The following CIB1 variants were observed in gnomAD, a reference collection of about 807,000 sequenced individuals.
CIB1 encodes calcium and integrin-binding protein 1.
A neutral mutation model predicts 25.0 loss-of-function variants in CIB1; 19 were observed. The ratio of observed to expected loss-of-function variants is 0.76; its 90% confidence interval spans 0.53 to 1.12. The LOEUF (loss-of-function observed/expected upper bound fraction) is 1.12, where lower values mean the gene tolerates loss of function less well. Ranked by LOEUF, CIB1 falls within the 50% of genes most tolerant of loss-of-function variation. The pLI is 0.00. For missense variants in CIB1, 236 were observed against 242.6 expected (o/e 0.97, Z 0.18); for synonymous variants, 104 against 98.5 (o/e 1.06, Z -0.33).
At chr15:90,251,405 T>C in the CIB1 span, 1 of 780,490 alleles carries the variant, frequency 1.3e-6, no homozygotes, top group Non-Finnish European at 2.2e-6. Flanking sequence ...ATTACAGGCA[T>C]GAGCCACCGC....
At chr15:90,256,555 TTC>T in the CIB1 span, among the ~76,000 whole-genome samples, 1 of 38,956 alleles carries the variant, frequency 2.6e-5, no homozygotes, top group African/African-American at 1.2e-4. Flanking sequence ...TTTTCTTTCT[TTC>T]TTTCTTTCTT....
the CIB1 span, among the ~76,000 whole-genome samples, chr15:90,246,405 A>G: frequency 1.3e-5 from 2 of 152,246 alleles, no homozygotes; most frequent in Non-Finnish European, 2.9e-5. Flanking sequence ...TTTGCATTTG[A>G]GTAACAGCTT....
chr15:90,254,269 C>G, the CIB1 span, among the ~76,000 whole-genome samples: 2 of 149,260 alleles, frequency 1.3e-5, no homozygotes, highest in Admixed American at 6.7e-5. Flanking sequence ...CCGAGGCGGG[C>G]GGATCATGAG....
the CIB1 span, among the ~76,000 whole-genome samples, chr15:90,254,636 G>C: frequency 6.6e-6 from 1 of 151,500 alleles, no homozygotes; most frequent in Non-Finnish European, 1.5e-5. Context: ...TCAGGACTTT[G>C]AGACCAGCCT....
chr15:90,249,078 G>A, the CIB1 span, among the ~76,000 whole-genome samples: 23 of 152,170 alleles, frequency 1.5e-4, no homozygotes, highest in African/African-American at 5.1e-4. Context: ...CGGCGTGGTG[G>A]CACGCTCCTG....
At chr15:90,262,275 G>T in the CIB1 span, 1 of 1,358,104 alleles carries the variant, frequency 7.4e-7, no homozygotes, top group Non-Finnish European at 9.7e-7. Context: ...GAAAGAGGAA[G>T]CCAGACACCA....
the CIB1 span, among the ~76,000 whole-genome samples, chr15:90,248,130 T>G: frequency 2.0e-5 from 3 of 151,720 alleles, no homozygotes; most frequent in African/African-American, 4.8e-5. Context: ...TCCTCTTAAC[T>G]CCCATGCTCA....
In CIB1 at chr15:90,230,416, A is replaced by C. The variant is rs112061852; in HGVS notation, c.*68T>G. On this transcript the variant is annotated 3_prime_UTR_variant, in exon 7 of 7. Coordinates refer to ENST00000328649, the MANE Select transcript of CIB1 (RefSeq NM_006384.4). ...GGCCCGCACTGGCAACACAGGCTTG[A>C]CCTTGGCCACAGCTCAGCAGTAGAA... 6.5e-6 allele frequency: 10 copies of C among 1,536,986 alleles called. No individual in the cohort carries two copies. The highest frequency in any genetic ancestry group is 8.8e-6 in the Non-Finnish European group (10 of 1,135,164).
intron 3 of CIB1, 96 bp downstream of exon 3, chr15:90,232,123 T>C: frequency 1.1e-6 from 1 of 943,684 alleles, no homozygotes; most frequent in Non-Finnish European, 1.6e-6. Flanking sequence ...TGGGGACCAG[T>C]GACCCCATGA....
the CIB1 span, among the ~76,000 whole-genome samples, chr15:90,256,589 CTTTCTTTCT>C: frequency 5.7e-5 from 2 of 34,868 alleles, no homozygotes; most frequent in Admixed American, 4.1e-4. Context: ...TTCTTTCTTT[CTTTCTTTCT>C]TTCTTTCTTT....
At chr15:90,240,869 C>T in the CIB1 span, 1 of 1,374,968 alleles carries the variant, frequency 7.3e-7, no homozygotes. Context: ...GGGTTACCAT[C>T]ATGTGTTTTC....
At chr15:90,260,303 G>A in the CIB1 span, among the ~76,000 whole-genome samples, 1 of 151,870 alleles carries the variant, frequency 6.6e-6, no homozygotes, top group African/African-American at 2.4e-5. Flanking sequence ...TTTGAGACCA[G>A]CCTGGGCAAC....
At chr15:90,263,736 C>G in the CIB1 span, 4 of 682,186 alleles carry the variant, frequency 5.9e-6, no homozygotes, top group South Asian at 1.5e-5. Context: ...CTCTTCTCCT[C>G]TAGCCTAGAT....
At chr15:90,265,391 A>C in the CIB1 span, 5 of 1,244,436 alleles carry the variant, frequency 4.0e-6, no homozygotes, top group Non-Finnish European at 5.1e-6. Flanking sequence ...GAGGTGGCGG[A>C]GACAGGCAGG....
chr15:90,263,906 T>G, the CIB1 span: 228 of 1,333,768 alleles, frequency 1.7e-4, 1 homozygote, highest in East Asian at 5.0e-3. Context: ...CTGCCAAGCA[T>G]GAATGCTGCA....
At chr15:90,253,169 CCTT>C in the CIB1 span, 1 of 1,190,196 alleles carries the variant, frequency 8.4e-7, no homozygotes, top group Non-Finnish European at 1.2e-6. Flanking sequence ...CAGGTGTATA[CCTT>C]ACCTGACCCA....
At chr15:90,242,138 A>G in the CIB1 span, 2 of 1,256,758 alleles carry the variant, frequency 1.6e-6, no homozygotes, top group Non-Finnish European at 2.2e-6. Context: ...CCCAGGCTAG[A>G]GTGTAGTGGT....
the CIB1 span, chr15:90,265,621 C>T: frequency 1.3e-6 from 2 of 1,515,090 alleles, no homozygotes; most frequent in Non-Finnish European, 1.8e-6. Flanking sequence ...TGCTACTACC[C>T]AGCCTCCGGC....
the CIB1 span, among the ~76,000 whole-genome samples, chr15:90,251,910 T>C: frequency 0.013 from 2,053 of 152,204 alleles, 59 homozygotes; most frequent in African/African-American, 0.047. Context: ...AGTCTCGCTT[T>C]GTCATCCAGG....
Sources: gnomAD v4.1 joint callset for allele counts (sites outside exome capture counted in the v4.1 genomes callset) on GRCh38, gnomAD v4.1.1 for gene constraint, MANE v1.5 for transcripts, NCBI Gene and HGNC (gene_info 2026-07-23, HGNC 2026-07-21) for gene names.